The following LRRC4C variants were observed in gnomAD, a reference collection of about 807,000 sequenced individuals.
LRRC4C encodes leucine-rich repeat-containing protein 4C.
A neutral mutation model predicts 33.6 loss-of-function variants in LRRC4C; 5 were observed. The observed-to-expected ratio is 0.15, with a 90% CI of 0.08 to 0.31. The LOEUF is 0.31. Among genes scored for constraint, LRRC4C ranks in the 10% least tolerant of loss-of-function variants. LRRC4C has a pLI of 1.00. For missense variants in LRRC4C, 560 were observed against 796.7 expected (o/e 0.70, Z 3.58); for synonymous variants, 329 against 302.0 (o/e 1.09, Z -0.93).
At chr11:40,544,618 A>C (rs999031732) in intron 3 of LRRC4C, among the ~76,000 whole-genome samples, 1 of 152,134 alleles carries the variant, frequency 6.6e-6, no homozygotes, top group Non-Finnish European at 1.5e-5. Flanking sequence ...TTCATTACCA[A>C]ATTAGGGATG....
chr11:40,689,996 G>A (rs1945153004), intron 2 of LRRC4C, among the ~76,000 whole-genome samples: 2 of 152,062 alleles, frequency 1.3e-5, no homozygotes, highest in Non-Finnish European at 1.5e-5. Flanking sequence ...TTTGCTGATT[G>A]TGCAATGCAT....
chr11:40,383,829 C>T (rs1220410963), intron 3 of LRRC4C, among the ~76,000 whole-genome samples: 1 of 151,764 alleles, frequency 6.6e-6, no homozygotes, highest in Non-Finnish European at 1.5e-5. Context: ...GGAACACAGG[C>T]ATGCAACACC....
chr11:41,018,482 T>C (rs78266142), intron 1 of LRRC4C, among the ~76,000 whole-genome samples: 5,050 of 152,252 alleles, frequency 0.033, 107 homozygotes, highest in Middle Eastern at 0.068. Flanking sequence ...TTACAACTCG[T>C]AATAGGACAG....
At chr11:41,185,392 G>A (rs1945648180) in intron 1 of LRRC4C, among the ~76,000 whole-genome samples, 1 of 152,068 alleles carries the variant, frequency 6.6e-6, no homozygotes, top group African/African-American at 2.4e-5. Context: ...ATAAGACAAA[G>A]TACATATCTC....
intron 2 of LRRC4C, among the ~76,000 whole-genome samples, chr11:40,667,514 C>T (rs908633635): frequency 3.3e-5 from 5 of 152,280 alleles, no homozygotes; most frequent in Admixed American, 6.5e-5. Flanking sequence ...GCAAAAGTAA[C>T]AGGATAGTCA....
At chr11:40,358,473 G>T (rs1947785260) in intron 3 of LRRC4C, among the ~76,000 whole-genome samples, 2 of 152,054 alleles carry the variant, frequency 1.3e-5, no homozygotes, top group Admixed American at 1.3e-4. Context: ...TAGAGATGGG[G>T]TTTCACCGTG....
intron 3 of LRRC4C, among the ~76,000 whole-genome samples, chr11:40,472,301 G>A (rs1952982923): frequency 6.6e-6 from 1 of 151,042 alleles, no homozygotes; most frequent in Non-Finnish European, 1.5e-5. Flanking sequence ...ATAAATAAAA[G>A]AAACTCACTC....
intron 2 of LRRC4C, among the ~76,000 whole-genome samples, chr11:40,703,733 T>C (rs1334400314): frequency 6.6e-6 from 1 of 152,162 alleles, no homozygotes; most frequent in Admixed American, 6.5e-5. Context: ...AGAATATTTG[T>C]TTCATTCAAG....
At chr11:40,220,818 T>G (rs1451923668) in intron 5 of LRRC4C, among the ~76,000 whole-genome samples, 1 of 151,986 alleles carries the variant, frequency 6.6e-6, no homozygotes, top group African/African-American at 2.4e-5. Flanking sequence ...CAATCTCTGT[T>G]AATATTTTGG....
chr11:40,498,201 G>A (rs1051619628), intron 3 of LRRC4C, among the ~76,000 whole-genome samples: 2 of 152,118 alleles, frequency 1.3e-5, no homozygotes, highest in Non-Finnish European at 1.5e-5. Flanking sequence ...TGTTCCTAAA[G>A]TTGCCCCCTA....
chr11:40,892,752 G>A (rs2060450678), intron 2 of LRRC4C, among the ~76,000 whole-genome samples: 1 of 152,160 alleles, frequency 6.6e-6, no homozygotes, highest in African/African-American at 2.4e-5. Context: ...TGTAAAGACA[G>A]AAAGTAGAAT....
chr11:41,385,677 A>T (rs1953333999), intron 1 of LRRC4C, among the ~76,000 whole-genome samples: 1 of 151,624 alleles, frequency 6.6e-6, no homozygotes, highest in African/African-American at 2.4e-5. Context: ...AAACACTAAA[A>T]ATCTAAAAAT....
intron 1 of LRRC4C, among the ~76,000 whole-genome samples, chr11:41,213,223 A>G (rs779803373): frequency 8.5e-5 from 13 of 152,248 alleles, no homozygotes; most frequent in Non-Finnish European, 1.8e-4. Flanking sequence ...TAAACTAAAC[A>G]GTATAAACAT....
At chr11:40,563,902 G>T (rs143072635) in intron 3 of LRRC4C, among the ~76,000 whole-genome samples, 1 of 152,262 alleles carries the variant, frequency 6.6e-6, no homozygotes, top group East Asian at 1.9e-4. Context: ...AACAGGAATT[G>T]CCCTCAAGAG....
intron 3 of LRRC4C, among the ~76,000 whole-genome samples, chr11:40,618,875 T>G (rs2135938843): frequency 6.6e-6 from 1 of 151,876 alleles, no homozygotes; most frequent in Admixed American, 6.6e-5. Flanking sequence ...GGTGGCATTT[T>G]GGGATGTCTA....
chr11:41,265,354 A>G (rs1326975376), intron 1 of LRRC4C, among the ~76,000 whole-genome samples: 1 of 152,250 alleles, frequency 6.6e-6, no homozygotes, highest in East Asian at 1.9e-4. Flanking sequence ...ACTATAGCAG[A>G]GAGGACTGGG....
In LRRC4C at chr11:41,418,051, T is replaced by C. The variant is rs921347134; in HGVS notation, c.-496+41380A>G. Among the ~76,000 whole-genome samples the C allele has an allele frequency of 3.6e-4, 54 of 151,950 alleles. No homozygotes were observed. In the East Asian group the frequency reaches 6.0e-3, roughly 17 times the overall value. On this transcript the variant is annotated intron_variant, in intron 1 of 6. Transcript: ENST00000528697. The stretch of plus-strand genomic sequence containing the variant: ...ATGCTGGATCATAGCTCTTAAACTC[T>C]ATTAGAAAATTACTTGGCTAGCTCA...
intron 2 of LRRC4C, among the ~76,000 whole-genome samples, chr11:40,878,594 C>T (rs1479360399): frequency 6.6e-6 from 1 of 152,146 alleles, no homozygotes; most frequent in Non-Finnish European, 1.5e-5. Context: ...TGGGGAGTGG[C>T]TATAAATACA....
At chr11:40,464,227 ACCAT>A (rs1318859863) in intron 3 of LRRC4C, among the ~76,000 whole-genome samples, 3 of 152,088 alleles carry the variant, frequency 2.0e-5, no homozygotes, top group Admixed American at 2.0e-4. Context: ...TATAAACAAA[ACCAT>A]ACAATCATTT....
Sources: allele counts gnomAD v4.1 joint callset (sites outside exome capture counted in the v4.1 genomes callset), GRCh38; gene constraint gnomAD v4.1.1; transcripts MANE v1.5; gene names NCBI Gene and HGNC (gene_info 2026-07-23, HGNC 2026-07-21).